GCN1: variants seen among roughly 807,000 people sequenced by gnomAD.
The protein encoded by GCN1 is GCN1 activator of EIF2AK4.
Under a neutral mutation model 288.4 loss-of-function variants are expected in GCN1, and 90 were observed. The observed-to-expected ratio is 0.31, with a 90% CI of 0.26 to 0.37. The LOEUF is 0.37. Ranked by LOEUF, GCN1 falls within the 10% of genes least tolerant of loss-of-function variation. GCN1 has a pLI of 1.00. For synonymous variants in GCN1, 1,386 were observed against 1,420.2 expected (o/e 0.98, Z 0.54); for missense variants, 2,586 against 3,419.9 (o/e 0.76, Z 6.08).
Position 120,136,513 on chromosome 12 carries a change from A to G in GCN1, c.6997T>C (p.Leu2333=), listed in dbSNP as rs1877008558. 1 of 1,613,072 alleles carries G rather than the reference A, an allele frequency of 6.2e-7. No individual in the cohort carries two copies. Among genetic ancestry groups the G allele is most frequent in the Non-Finnish European group, 8.5e-7 (1 of 1,178,964 alleles). Residue 2333 remains leucine (L), a synonymous_variant, in exon 51 of 58, where the codon TTG becomes CTG. Transcript: ENST00000300648. Reference sequence around the variant, plus strand: ...CATCAGCCACTCACCTTAGCCAACAAGAGGCTGAGTGTCTCGAGCAGAGCC... The same window carrying G: ...CATCAGCCACTCACCTTAGCCAACAGGAGGCTGAGTGTCTCGAGCAGAGCC... ...KAALLETLSL[L]LAKVGIALKP...
Position 120,157,512 on chromosome 12 carries a change from A to G in GCN1, c.3087+337T>C, listed in dbSNP as rs375486077. On this transcript the variant is annotated intron_variant, in intron 26 of 57. Coordinates refer to ENST00000300648, the MANE Select transcript of GCN1 (RefSeq NM_006836.2). ...CATCACAGTGCTGTTCAAAACAGGA[A>G]AAAGTTAGAAACAACCTTAAGAACT... 9.8e-5 allele frequency among the ~76,000 whole-genome samples: 15 copies of G among 152,366 alleles called. No individual in the cohort carries two copies. In the East Asian group the frequency reaches 2.5e-3, roughly 25 times the overall value.
intron 2 of GCN1, among the ~76,000 whole-genome samples, chr12:120,186,411 C>T (rs7305493): frequency 0.025 from 3,779 of 152,014 alleles, 157 homozygotes; most frequent in African/African-American, 0.085. Context: ...TGTTGGAAAG[C>T]CAACCTGTGA....
chr12:120,168,275 C>T lies in GCN1; in HGVS notation c.1545G>A (p.Gln515=). ...QAEAKLSSFW[Q]LIVDEKKQVF... ...CCTGCTTTTTCTCATCCACAATCAA[C>T]TGCCAGAAACTGCTCAGTTTGGCCT... The change falls in exon 16 of 58, where the codon CAG becomes CAA. Residue 515 remains glutamine, a synonymous_variant. Coordinates refer to ENST00000300648, the MANE Select transcript of GCN1 (RefSeq NM_006836.2). 1 of 1,607,068 alleles carries T rather than the reference C, an allele frequency of 6.2e-7. No individual in the cohort carries two copies. Among genetic ancestry groups the T allele is most frequent in the African/African-American group, 1.3e-5 (1 of 74,912 alleles).
In GCN1 at chr12:120,158,399, A is replaced by G; in HGVS notation, c.2905+61T>C. 4 of 1,406,068 alleles carry G rather than the reference A, an allele frequency of 2.8e-6. No individual in the cohort carries two copies. The highest frequency in any genetic ancestry group is 4.5e-5 in the Admixed American group (2 of 44,056). 87.1% of individuals were successfully genotyped at this position (1,406,068 alleles called of 1,614,324 possible). A position where few individuals can be genotyped will look rare whatever the true frequency, so the allele number is the denominator to read the frequency against. On this transcript the variant is annotated intron_variant, in intron 25 of 57. Coordinates refer to ENST00000300648, the MANE Select transcript of GCN1 (RefSeq NM_006836.2). This position sits in a 1 kb window ranked among gnomAD's most constrained non-coding sequence, Gnocchi z 4.3. Reference sequence around the variant, plus strand: ...AGGCCCTGGGTGACGCTGTGCCTTGAGCAGCATTCCTGGCACCAGCTCACA... The same window carrying G: ...AGGCCCTGGGTGACGCTGTGCCTTGGGCAGCATTCCTGGCACCAGCTCACA...
chr12:120,161,434 A>G, intron 22 of GCN1, 56 bp downstream of exon 22: 1 of 1,166,732 alleles, frequency 8.6e-7, no homozygotes, highest in Non-Finnish European at 1.3e-6. Context: ...AAAAGCCACC[A>G]GCTTGAGGCC....
chr12:120,131,051 A>G lies in GCN1; in HGVS notation c.7563+134T>C, dbSNP rs1876801209. On this transcript the variant is annotated intron_variant, in intron 55 of 57. Transcript: ENST00000300648. Reference sequence around the variant, plus strand: ...GGATCAAGTGCTGGTCCAAGGGCACAGCAAGTTACTGACAAAGGTAAAATT... The same window carrying G: ...GGATCAAGTGCTGGTCCAAGGGCACGGCAAGTTACTGACAAAGGTAAAATT... The G allele has an allele frequency of 7.8e-6, 6 of 772,834 alleles. 1 individual carries two copies. In the Middle Eastern group the frequency reaches 1.1e-3, roughly 139 times the overall value. 47.9% of individuals were successfully genotyped at this position (772,834 alleles called of 1,614,324 possible).
In GCN1 at chr12:120,129,348, G is replaced by T. The variant is rs368130639; in HGVS notation, c.7818C>A (p.Thr2606=). Residue 2606 remains threonine (T), a synonymous_variant, in exon 57 of 58, where the codon ACC becomes ACA. Transcript: ENST00000300648. ...ALLDNTKDKN[T]VVRAYSDQAI... is the part of the protein sequence containing the mutation. The stretch of plus-strand genomic sequence containing the variant: ...CCTGGTCGCTGTAGGCCCTGACCAC[G>T]GTGTTCTTATCCTTGGTGTTGTCAA... 1 of 1,614,068 alleles carries T rather than the reference G, an allele frequency of 6.2e-7. No homozygotes were observed. Among genetic ancestry groups the T allele is most frequent in the Non-Finnish European group, 8.5e-7 (1 of 1,179,992 alleles).
In GCN1 at chr12:120,183,658, C is replaced by T; in HGVS notation, c.337G>A (p.Ala113Thr). Residue 113 changes from alanine to threonine, a missense_variant, in exon 5 of 58, where the codon GCC becomes ACC. Physicochemically the swap from Ala to Thr is moderately conservative, Grantham distance 58. Coordinates refer to ENST00000300648, the MANE Select transcript of GCN1 (RefSeq NM_006836.2). ...CAGGTCCAGGTCAAGGCCAGCAAGG[C>T]GGCAGAGCCACTGCTCTTACTGCAG... ...GVPSKSSGSA[A>T]LLALTWTCLL... 1.2e-6 allele frequency: 2 copies of T among 1,611,886 alleles called. No homozygotes were observed. Among genetic ancestry groups the T allele is most frequent in the Non-Finnish European group, 1.7e-6 (2 of 1,178,076 alleles).
At chr12:120,168,892 C>T (rs989879145) in intron 15 of GCN1, among the ~76,000 whole-genome samples, 18 of 152,216 alleles carry the variant, frequency 1.2e-4, no homozygotes, top group Admixed American at 1.1e-3. Flanking sequence ...AGCCCAGTGC[C>T]TTGCATGGCC....
At chr12:120,128,996 C>T (rs1876717461) in intron 57 of GCN1, among the ~76,000 whole-genome samples, 1 of 152,026 alleles carries the variant, frequency 6.6e-6, no homozygotes, top group Admixed American at 6.6e-5. Flanking sequence ...GCCCACCACG[C>T]CTGGCTAATT....
intron 5 of GCN1, among the ~76,000 whole-genome samples, chr12:120,181,864 A>T (rs1028838331): frequency 8.5e-5 from 12 of 141,984 alleles, no homozygotes; most frequent in Admixed American, 7.0e-4. Context: ...AAAAAAAAGT[A>T]GGCTGGGCAC....
chr12:120,136,491 C>T lies in GCN1; in HGVS notation c.7008+11G>A. 2 of 1,596,136 alleles carry T rather than the reference C, an allele frequency of 1.3e-6. No individual in the cohort carries two copies. Among genetic ancestry groups the T allele is most frequent in the South Asian group, 2.2e-5 (2 of 90,728 alleles). ...TTCTCTAAGATCTGAACAAACTCAT[C>T]AGCCACTCACCTTAGCCAACAAGAG... On this transcript the variant is annotated intron_variant, in intron 51 of 57. Transcript: ENST00000300648.
At chr12:120,139,161 T>G (rs1302550930) in intron 45 of GCN1, among the ~76,000 whole-genome samples, 2 of 151,406 alleles carry the variant, frequency 1.3e-5, no homozygotes, top group African/African-American at 4.9e-5. Context: ...AATACAAAAA[T>G]TAGCTGGGTG....
chr12:120,175,665 C>G, intron 11 of GCN1, 81 bp downstream of exon 11: 1 of 1,428,480 alleles, frequency 7.0e-7, no homozygotes, highest in Non-Finnish European at 9.5e-7. Context: ...CTTGGAGCAT[C>G]AAGTCCCCTT....
At chr12:120,160,101 C>A in intron 23 of GCN1, 41 bp downstream of exon 23, 1 of 1,589,958 alleles carries the variant, frequency 6.3e-7, no homozygotes, top group Non-Finnish European at 8.6e-7. Flanking sequence ...AGCTGCCCAG[C>A]ACTCTTCCGG....
intron 53 of GCN1, among the ~76,000 whole-genome samples, chr12:120,133,263 T>G (rs1352933223): frequency 6.6e-6 from 1 of 152,098 alleles, no homozygotes; most frequent in East Asian, 1.9e-4. Context: ...GGCCCTCTCC[T>G]CCTAGATTGG....
intron 22 of GCN1, 69 bp from the exon 23 acceptor site, chr12:120,160,324 G>T: frequency 1.8e-6 from 2 of 1,121,268 alleles, no homozygotes; most frequent in South Asian, 1.3e-5. Context: ...ACAGAGGAAG[G>T]TGAGCTTGCT....
chr12:120,175,678 G>T, intron 11 of GCN1, 68 bp downstream of exon 11: 7 of 1,512,300 alleles, frequency 4.6e-6, no homozygotes, highest in Non-Finnish European at 6.3e-6. Context: ...GTCCCCTTCA[G>T]ATCCCAGTTG....
chr12:120,153,270 G>T lies in GCN1; in HGVS notation c.4005C>A (p.Pro1335=). Residue 1335 remains proline, a synonymous_variant, in exon 33 of 58, where the codon CCC becomes CCA. Transcript: ENST00000300648. This position sits in a 1 kb window ranked among gnomAD's most constrained non-coding sequence, Gnocchi z 4.4. The part of the protein sequence containing the change: ...SLAKHLDKSD[P]KVKPIVAKLI... ...GCTTGGCAACAATGGGCTTCACTTT[G>T]GGGTCACTCTTGTCCAGGTGCTTGG... is the stretch of plus-strand genomic sequence containing the variant. The T allele has an allele frequency of 6.2e-7, 1 of 1,614,184 alleles. No homozygotes were observed. The highest frequency in any genetic ancestry group is 8.5e-7 in the Non-Finnish European group (1 of 1,180,024).
Sources: allele counts gnomAD v4.1 joint callset (sites outside exome capture counted in the v4.1 genomes callset), GRCh38; gene constraint gnomAD v4.1.1; non-coding constraint Gnocchi (gnomAD v3.1); transcripts MANE v1.5; gene names NCBI Gene and HGNC (gene_info 2026-07-23, HGNC 2026-07-21).